LAMA3: variants seen among roughly 807,000 people sequenced by gnomAD.
LAMA3 encodes laminin subunit alpha-3.
Under a neutral mutation model 402.0 loss-of-function variants are expected in LAMA3, and 281 were observed. That is an observed-to-expected ratio of 0.70 (90% CI 0.63 to 0.77). The LOEUF is 0.77. LAMA3 is among the 30% of genes least tolerant of loss of function. LAMA3 has a pLI of 0.00. For synonymous variants in LAMA3, 1,431 were observed against 1,558.4 expected, an observed-to-expected ratio of 0.92 and a Z score of 1.93; for missense variants, 3,840 against 4,215.5, an observed-to-expected ratio of 0.91 and a Z score of 2.47.
At chr18:23,907,476 T>C in intron 52 of LAMA3, 74 bp from the exon 53 acceptor site, 1 of 1,084,362 alleles carries the variant, frequency 9.2e-7, no homozygotes. Flanking sequence ...ACTGGCTACT[T>C]CAGGGGCCAC....
Position 23,861,750 on chromosome 18 carries a change from G to A in LAMA3, c.4527G>A (p.Leu1509=). ...SNSMVADLQE[L]PATIHSASWV... is the part of the protein sequence containing the mutation. The stretch of plus-strand genomic sequence containing the variant: ...GTATGGTGGCGGATCTCCAGGAGCT[G>A]CCCGCAACCATCCACAGCGCGTCCT... Residue 1509 remains leucine, a synonymous_variant, in exon 35 of 75, where the codon CTG becomes CTA. Transcript: ENST00000313654. 3.1e-6 allele frequency: 5 copies of A among 1,613,986 alleles called. No homozygotes were observed. The highest frequency in any genetic ancestry group is 4.2e-6 in the Non-Finnish European group (5 of 1,179,974).
At chr18:23,952,062 A>T (rs923608170) in intron 73 of LAMA3, among the ~76,000 whole-genome samples, 1 of 152,248 alleles carries the variant, frequency 6.6e-6, no homozygotes, top group Non-Finnish European at 1.5e-5. Context: ...TCAAGATAGT[A>T]TAACGTTGTG....
Position 23,883,372 on chromosome 18 carries a change from C to T in LAMA3, c.5222+1327C>T, listed in dbSNP as rs181038204. On this transcript the variant is annotated intron_variant, in intron 40 of 74. Transcript: ENST00000313654. ...GGCACTTTGTCATATCCTTACTCAT[C>T]ACAAAGGGTTCACTGTGGGCCCAAG... 1.1e-4 allele frequency among the ~76,000 whole-genome samples: 17 copies of T among 152,298 alleles called. No individual in the cohort carries two copies. The East Asian group carries it at 2.3e-3, about 21-fold the overall frequency.
At chr18:23,880,105 G>A (rs1013464334) in intron 39 of LAMA3, among the ~76,000 whole-genome samples, 3 of 152,208 alleles carry the variant, frequency 2.0e-5, no homozygotes, top group Admixed American at 6.5e-5. Flanking sequence ...GACTGGGTGA[G>A]GGTGAGGGAA....
intron 32 of LAMA3, among the ~76,000 whole-genome samples, chr18:23,852,640 G>A (rs979701013): frequency 2.0e-5 from 3 of 152,218 alleles, no homozygotes; most frequent in Non-Finnish European, 2.9e-5. Flanking sequence ...GCAGCATGGT[G>A]AGCGCCATAT....
At chr18:23,716,316 C>A (rs2061098583) in intron 2 of LAMA3, among the ~76,000 whole-genome samples, 1 of 152,154 alleles carries the variant, frequency 6.6e-6, no homozygotes, top group South Asian at 2.1e-4. Flanking sequence ...TGCCACCATG[C>A]CTGGCTAACT....
chr18:23,801,026 G>T (rs1200970624), intron 12 of LAMA3, among the ~76,000 whole-genome samples: 1 of 151,994 alleles, frequency 6.6e-6, no homozygotes, highest in Non-Finnish European at 1.5e-5. Flanking sequence ...CAAAGACATG[G>T]AATCAATCTA....
chr18:23,704,404 C>T (rs945394840), intron 1 of LAMA3, among the ~76,000 whole-genome samples: 3 of 152,244 alleles, frequency 2.0e-5, no homozygotes, highest in Non-Finnish European at 2.9e-5. Flanking sequence ...ACACGCAGTT[C>T]CTGGCCCCAG....
intron 8 of LAMA3, among the ~76,000 whole-genome samples, chr18:23,764,930 A>G (rs2062045169): frequency 6.6e-6 from 1 of 152,186 alleles, no homozygotes; most frequent in Non-Finnish European, 1.5e-5. Context: ...TCTCTTAAGA[A>G]TGGGTCATAT....
chr18:23,872,967 G>C, intron 38 of LAMA3: 3 of 1,581,570 alleles, frequency 1.9e-6, no homozygotes, highest in Non-Finnish European at 2.6e-6. Context: ...AGGCAGGCCC[G>C]GGCACTGAGC....
In LAMA3 at chr18:23,819,905, A is replaced by G. The variant is rs1315699393; in HGVS notation, c.2212A>G (p.Thr738Ala). 6.2e-7 allele frequency: 1 copy of G among 1,614,118 alleles called. No individual in the cohort carries two copies. Among genetic ancestry groups the G allele is most frequent in the Non-Finnish European group, 8.5e-7 (1 of 1,179,966 alleles). ...HMKYEIEDGS[T>A]PNGRDLRFGF... ...GAAGTATGAGATTGAAGACGGCAGC[A>G]CACCTAATGGGAGAGACCTTCGATT... The change falls in exon 19 of 75, where the codon ACA becomes GCA. Residue 738 changes from threonine to alanine, a missense_variant. Around this residue, in one of 3 missense-constraint regions of LAMA3, gnomAD observed 2,109 missense variants for 2,376.0 expected, o/e 0.89. Transcript: ENST00000313654.
At chr18:23,864,917 G>A (rs2064317431) in intron 36 of LAMA3, 34 bp downstream of exon 36, 1 of 1,371,926 alleles carries the variant, frequency 7.3e-7, no homozygotes. Context: ...GTGGCAGGAA[G>A]TGGCAGTTGC....
chr18:23,800,133 A>C (rs1014717818), intron 12 of LAMA3, among the ~76,000 whole-genome samples: 4 of 152,260 alleles, frequency 2.6e-5, no homozygotes, highest in African/African-American at 9.6e-5. Flanking sequence ...TGCCTCGCCA[A>C]CTTGGCACTC....
chr18:23,917,161 G>A (rs903554020), intron 60 of LAMA3, among the ~76,000 whole-genome samples: 5 of 152,050 alleles, frequency 3.3e-5, no homozygotes, highest in African/African-American at 1.2e-4. Flanking sequence ...TAGGATTATG[G>A]CCTCCAGCTT....
intron 6 of LAMA3, among the ~76,000 whole-genome samples, chr18:23,754,941 G>A (rs977133785): frequency 2.6e-5 from 4 of 152,342 alleles, no homozygotes; most frequent in Admixed American, 2.6e-4. Context: ...CTCAAGGTCT[G>A]TGATGTGCGT....
rs1029947757 is a variant in LAMA3 at position 23,864,988 on chromosome 18, A to C, written c.4683+105A>C. 3 of 760,046 alleles carry C rather than the reference A, an allele frequency of 3.9e-6. No homozygotes were observed. In the African/African-American group the frequency reaches 5.1e-5, roughly 13 times the overall value. 47.1% of individuals were successfully genotyped at this position (760,046 alleles called of 1,614,324 possible). On this transcript the variant is annotated intron_variant, in intron 36 of 74. Coordinates refer to ENST00000313654, the MANE Select transcript of LAMA3 (RefSeq NM_198129.4). ...TGTGGCCTACAAAAAGTTTAGATTA[A>C]ATCATTTCCAATATTTTGCAGAAAC...
chr18:23,699,926 T>C (rs1788806), intron 1 of LAMA3, among the ~76,000 whole-genome samples: 90,669 of 152,014 alleles, frequency 0.6, 27,541 homozygotes, highest in Middle Eastern at 0.67. Flanking sequence ...CCTAATATCC[T>C]GATATCTTGA....
chr18:23,840,941 C>T (rs1224684282), intron 27 of LAMA3, among the ~76,000 whole-genome samples: 1 of 152,092 alleles, frequency 6.6e-6, no homozygotes, highest in Non-Finnish European at 1.5e-5. Context: ...TTCCTTTGAA[C>T]GTTATATCAG....
At position 23,773,512 on chromosome 18, in the gene LAMA3, G is replaced by A; in HGVS notation, c.1198G>A (p.Val400Ile). Residue 400 changes from valine (V) to isoleucine (I), a missense_variant, in exon 9 of 75, where the codon GTA becomes ATA. Val to Ile is a conservative substitution (Grantham distance 29, BLOSUM62 3). Coordinates refer to ENST00000313654, the MANE Select transcript of LAMA3 (RefSeq NM_198129.4). ...CINCQHNTAGVNCEQCAKGYY... is the reference protein window; with the variant it reads ...CINCQHNTAGINCEQCAKGYY... ...TTCTTTCTAGCACAACACAGCTGGA[G>A]TAAACTGTGAACAGTGTGCTAAGGG... 1 of 1,596,626 alleles carries A rather than the reference G, an allele frequency of 6.3e-7. No individual in the cohort carries two copies.
Sources: allele counts gnomAD v4.1 joint callset (sites outside exome capture counted in the v4.1 genomes callset), GRCh38; gene constraint gnomAD v4.1.1; regional missense constraint gnomAD v4.1.1; transcripts MANE v1.5; gene names NCBI Gene and HGNC (gene_info 2026-07-23, HGNC 2026-07-21).